SLC23A2: variants seen among roughly 807,000 people sequenced by gnomAD.
The protein encoded by SLC23A2 is Na(+)/L-ascorbic acid transporter 2.
SLC23A2 carries 36 observed loss-of-function variants against 73.3 expected under a neutral mutation model. The observed-to-expected ratio is 0.49, with a 90% CI of 0.38 to 0.65. SLC23A2 has a LOEUF of 0.65. Ranked by LOEUF, SLC23A2 falls within the 30% of genes least tolerant of loss-of-function variation. The pLI, the probability that SLC23A2 is intolerant of heterozygous loss-of-function variation, is 0.00. For synonymous variants in SLC23A2, 343 were observed against 327.3 expected (o/e 1.05, Z -0.52); for missense variants, 507 against 841.6 (o/e 0.60, Z 4.92).
At chr20:4,892,760 A>G (rs1352980385) in intron 6 of SLC23A2, among the ~76,000 whole-genome samples, 1 of 152,110 alleles carries the variant, frequency 6.6e-6, no homozygotes, top group African/African-American at 2.4e-5. Flanking sequence ...TCAAGACAAA[A>G]TCAGACACGA....
intron 1 of SLC23A2, among the ~76,000 whole-genome samples, chr20:5,009,584 C>A (rs935174251): frequency 2.0e-5 from 3 of 152,156 alleles, no homozygotes; most frequent in African/African-American, 7.2e-5. Context: ...TGGTGCCTAC[C>A]ACACAGTAAG....
At chr20:4,859,223 CA>C (rs1929857726) in intron 16 of SLC23A2, 65 bp downstream of exon 16, 7 of 931,522 alleles carry the variant, frequency 7.5e-6, no homozygotes, top group South Asian at 1.4e-5. Flanking sequence ...TTCTATTTGG[CA>C]AAAAAAGTAA....
At chr20:4,921,584 T>A (rs569415771) in intron 3 of SLC23A2, among the ~76,000 whole-genome samples, 4 of 140,048 alleles carry the variant, frequency 2.9e-5, no homozygotes, top group Middle Eastern at 8.3e-3. Context: ...AGACCCTGTC[T>A]CAAACAACAA....
chr20:4,879,008 C>A (rs1288705978), intron 9 of SLC23A2, among the ~76,000 whole-genome samples: 1 of 152,086 alleles, frequency 6.6e-6, no homozygotes, highest in Non-Finnish European at 1.5e-5. Flanking sequence ...TTAAATGATA[C>A]CCGTGATAAT....
Position 4,857,173 on chromosome 20 carries a change from C to T in SLC23A2, c.1752G>A (p.Trp584Ter). Residue 584 changes from tryptophan to a stop codon, truncating the protein, a stop_gained, in exon 17 of 17, where the codon TGG becomes TGA. Transcript: ENST00000338244. LOFTEE classifies it high-confidence loss of function. This position sits in a 1 kb window ranked among gnomAD's most constrained non-coding sequence, Gnocchi z 4.0. Reference sequence around the variant, plus strand: ...TGTTCCCTTTGCCCACACCCTTCTTCCATTTCCGGATTCCTCTTTCCTCTG... The same window carrying T: ...TGTTCCCTTTGCCCACACCCTTCTTTCATTTCCGGATTCCTCTTTCCTCTG... ...GTPEERGIRK[W>*]KKGVGKGNKS... The T allele has an allele frequency of 6.2e-7, 1 of 1,610,084 alleles. No homozygotes were observed. The highest frequency in any genetic ancestry group is 8.5e-7 in the Non-Finnish European group (1 of 1,177,182).
At chr20:4,928,806 A>G (rs554256477) in intron 3 of SLC23A2, among the ~76,000 whole-genome samples, 6 of 152,292 alleles carry the variant, frequency 3.9e-5, no homozygotes, top group African/African-American at 1.4e-4. Context: ...CCCAGCTCCC[A>G]TGCTCTCACA....
At position 4,929,683 on chromosome 20, in the gene SLC23A2, CA is replaced by C. The variant is rs1473205439; in HGVS notation, c.108+2771del. ...TAAGAAATTAAGGACCAAAAATAGGCAGAAGTTAACCAAATAAAAATTTTAG... is the reference window on the plus strand; with the variant it reads ...TAAGAAATTAAGGACCAAAAATAGGCGAAGTTAACCAAATAAAAATTTTAG... On this transcript the variant is annotated intron_variant, in intron 3 of 16. Transcript: ENST00000338244. 1.1e-4 allele frequency among the ~76,000 whole-genome samples: 17 copies of C among 152,098 alleles called. 1 individual carries two copies. In the South Asian group the frequency reaches 2.9e-3, roughly 26 times the overall value.
intron 1 of SLC23A2, among the ~76,000 whole-genome samples, chr20:4,977,934 T>C (rs1198185208): frequency 1.3e-5 from 2 of 151,992 alleles, no homozygotes; most frequent in African/African-American, 4.8e-5. Flanking sequence ...GTACTTATCA[T>C]GAAAAAACGA....
Position 4,912,934 on chromosome 20 carries a change from A to G in SLC23A2, c.153T>C (p.Asn51=). The G allele has an allele frequency of 6.2e-7, 1 of 1,612,892 alleles. No individual in the cohort carries two copies. Among genetic ancestry groups the G allele is most frequent in the Non-Finnish European group, 8.5e-7 (1 of 1,179,546 alleles). The change falls in exon 4 of 17, where the codon AAT becomes AAC. Residue 51 remains asparagine, a synonymous_variant. Coordinates refer to ENST00000338244, the MANE Select transcript of SLC23A2 (RefSeq NM_005116.6). ...GGATSSGEQD[N]EDTELMAIYT... The stretch of plus-strand genomic sequence containing the variant: ...AGATCGCCATGAGCTCAGTGTCCTC[A>G]TTGTCCTGCTCACCGCTGGAGGTGG...
intron 3 of SLC23A2, among the ~76,000 whole-genome samples, chr20:4,926,812 T>C (rs1298902748): frequency 6.6e-6 from 1 of 152,106 alleles, no homozygotes; most frequent in African/African-American, 2.4e-5. Context: ...TGTTTTGTTT[T>C]ATTTTGTTTA....
chr20:4,875,862 G>T (rs1421336137), intron 9 of SLC23A2, among the ~76,000 whole-genome samples: 1 of 152,208 alleles, frequency 6.6e-6, no homozygotes, highest in Non-Finnish European at 1.5e-5. Flanking sequence ...AATTGTTCCT[G>T]GGCACAGTTC....
chr20:4,915,461 G>C (rs1452320042), intron 3 of SLC23A2, among the ~76,000 whole-genome samples: 1 of 152,172 alleles, frequency 6.6e-6, no homozygotes, highest in Non-Finnish European at 1.5e-5. Flanking sequence ...CCTAAAATGA[G>C]TAAGTACAAT....
chr20:4,938,016 T>A (rs532939595), intron 2 of SLC23A2, among the ~76,000 whole-genome samples: 41 of 150,952 alleles, frequency 2.7e-4, no homozygotes, highest in Admixed American at 1.7e-3. Context: ...ACTTAACTCG[T>A]GTTCTCATTC....
Position 4,853,521 on chromosome 20 carries a change from T to G in SLC23A2, c.*3451A>C, listed in dbSNP as rs1929601854. ...TAAAGTATACACACATACTAGAGAT[T>G]CATCAATGGAGAAATTCTATCATCA... On this transcript the variant is annotated 3_prime_UTR_variant, in exon 17 of 17. Transcript: ENST00000338244. 6.6e-6 allele frequency: 1 copy of G among 152,662 alleles called. No homozygotes were observed. Among genetic ancestry groups the G allele is most frequent in the Admixed American group, 6.5e-5 (1 of 15,282 alleles). 9.5% of individuals were successfully genotyped at this position (152,662 alleles called of 1,614,324 possible).
intron 2 of SLC23A2, among the ~76,000 whole-genome samples, chr20:4,945,293 CTTGT>C (rs141626440): frequency 0.12 from 18,168 of 151,848 alleles, 1,589 homozygotes; most frequent in African/African-American, 0.24. Context: ...AACTCTTGAT[CTTGT>C]TTGTTTGTTT....
chr20:4,875,500 CTTTCCT>C (rs1270576146), intron 9 of SLC23A2, among the ~76,000 whole-genome samples: 1 of 152,212 alleles, frequency 6.6e-6, no homozygotes, highest in Non-Finnish European at 1.5e-5. Context: ...GAACTGAACT[CTTTCCT>C]TTTGCCACCC....
chr20:4,860,329 C>T (rs923844372), intron 15 of SLC23A2, among the ~76,000 whole-genome samples: 3 of 152,218 alleles, frequency 2.0e-5, no homozygotes, highest in Admixed American at 6.5e-5. Flanking sequence ...TAAGCTGACG[C>T]TCTGCCTTGT....
intron 1 of SLC23A2, among the ~76,000 whole-genome samples, chr20:4,995,180 G>T (rs902130339): frequency 6.6e-6 from 1 of 152,104 alleles, no homozygotes; most frequent in East Asian, 1.9e-4. Context: ...ATGTGTGAGC[G>T]TTGAGGTGGT....
At chr20:4,867,625 TAAAAAAAAAAA>T (rs11476144) in intron 13 of SLC23A2, 134 bp downstream of exon 13, 4 of 296,170 alleles carry the variant, frequency 1.4e-5, no homozygotes, top group East Asian at 6.3e-5. Flanking sequence ...TATAAACACT[TAAAAAAAAAAA>T]AAAAAAAAAA....
Sources: gnomAD v4.1 joint callset for allele counts (sites outside exome capture counted in the v4.1 genomes callset) on GRCh38, gnomAD v4.1.1 for gene constraint, Gnocchi (gnomAD v3.1) non-coding constraint, MANE v1.5 for transcripts, NCBI Gene and HGNC (gene_info 2026-07-23, HGNC 2026-07-21) for gene names.